Variants in CCDC178 observed in about 807,000 individuals in gnomAD.
CCDC178 encodes the protein coiled-coil domain containing 178, also known as coiled-coil domain-containing protein 178.
Under a neutral mutation model 117.4 loss-of-function variants are expected in CCDC178, and 126 were observed. The ratio of observed to expected loss-of-function variants is 1.07; its 90% confidence interval spans 0.93 to 1.24. The LOEUF is 1.24. Ranked by LOEUF, CCDC178 falls within the 50% of genes most tolerant of loss-of-function variation. The pLI is 0.00. For synonymous variants in CCDC178, 283 were observed against 313.4 expected (o/e 0.90, Z 1.02); for missense variants, 1,030 against 986.9 (o/e 1.04, Z -0.59).
intron 21 of CCDC178, among the ~76,000 whole-genome samples, chr18:33,074,766 T>G (rs1291167637): frequency 6.6e-6 from 1 of 152,172 alleles, no homozygotes; most frequent in African/African-American, 2.4e-5. Flanking sequence ...TTTGACATCA[T>G]GGAGGCAATT....
intron 20 of CCDC178, among the ~76,000 whole-genome samples, chr18:33,196,378 C>T (rs758426134): frequency 6.6e-6 from 1 of 152,154 alleles, no homozygotes; most frequent in Non-Finnish European, 1.5e-5. Flanking sequence ...TGAACGGAAG[C>T]TCCGTATTTA....
chr18:33,263,583 T>C (rs1201736408), intron 14 of CCDC178, among the ~76,000 whole-genome samples: 1 of 152,174 alleles, frequency 6.6e-6, no homozygotes. Flanking sequence ...TTAATAGCTA[T>C]ATTTCTATGA....
chr18:33,057,681 G>A (rs566083352), intron 21 of CCDC178, among the ~76,000 whole-genome samples: 1 of 151,950 alleles, frequency 6.6e-6, no homozygotes, highest in Non-Finnish European at 1.5e-5. Context: ...TTTTAGTAGA[G>A]AAAGGTTTCA....
chr18:33,284,481 C>G (rs1657683696), intron 12 of CCDC178, among the ~76,000 whole-genome samples: 1 of 151,890 alleles, frequency 6.6e-6, no homozygotes, highest in South Asian at 2.1e-4. Flanking sequence ...AAGAAACATG[C>G]CATCAATTAC....
At chr18:33,394,943 G>GTATGTATATATATATATATATATA (rs1555697671) in intron 4 of CCDC178, among the ~76,000 whole-genome samples, 2 of 61,498 alleles carry the variant, frequency 3.3e-5, no homozygotes, top group Non-Finnish European at 6.1e-5. Flanking sequence ...ATATGTATGT[G>GTATGTATATATATATATATATATA]TATATATATA....
intron 20 of CCDC178, among the ~76,000 whole-genome samples, chr18:33,123,372 G>A (rs996684296): frequency 6.6e-6 from 1 of 151,984 alleles, no homozygotes; most frequent in Non-Finnish European, 1.5e-5. Context: ...TGTAACACTC[G>A]GACCAGGGCA....
Position 33,126,986 on chromosome 18 carries a change from TA to T in CCDC178, c.2239-34077del, listed in dbSNP as rs1225815316. Among the ~76,000 whole-genome samples the T allele has an allele frequency of 5.4e-3, 734 of 136,096 alleles. 2 individuals are homozygous for T. Among genetic ancestry groups the T allele is most frequent in the African/African-American group, 0.011 (369 of 34,726 alleles). The allele number at this position is 136,096 out of a possible 152,430, so 89.3% of individuals were successfully genotyped here. A position where few individuals can be genotyped will look rare whatever the true frequency, so the allele number is the denominator to read the frequency against. ...ACTGTATTTTTTATCTGCATTTGGT[TA>T]AAAAAAAAAAATATATATATATATA... is the stretch of plus-strand genomic sequence containing the variant. On this transcript the variant is annotated intron_variant, in intron 20 of 22. Coordinates refer to ENST00000383096, the MANE Select transcript of CCDC178 (RefSeq NM_001105528.4).
chr18:33,241,043 C>T (rs1251291028), intron 15 of CCDC178, among the ~76,000 whole-genome samples: 1 of 151,858 alleles, frequency 6.6e-6, no homozygotes, highest in African/African-American at 2.4e-5. Flanking sequence ...TGGTTCAACA[C>T]ATGTAAATTA....
intron 7 of CCDC178, among the ~76,000 whole-genome samples, chr18:33,353,667 A>C (rs2063010547): frequency 1.3e-5 from 2 of 152,056 alleles, no homozygotes; most frequent in Non-Finnish European, 2.9e-5. Flanking sequence ...TTTATATATA[A>C]AGAACTCTGT....
intron 21 of CCDC178, among the ~76,000 whole-genome samples, chr18:33,058,131 C>T (rs1812002785): frequency 1.3e-5 from 2 of 152,084 alleles, no homozygotes; most frequent in South Asian, 4.1e-4. Context: ...TATGACCTGA[C>T]TCAGGAATTT....
At chr18:33,194,236 AAATATC>A in intron 20 of CCDC178, among the ~76,000 whole-genome samples, 1 of 152,080 alleles carries the variant, frequency 6.6e-6, no homozygotes, top group South Asian at 2.1e-4. Context: ...AATACTTTAT[AAATATC>A]TCAGATAATC....
intron 14 of CCDC178, among the ~76,000 whole-genome samples, chr18:33,246,105 TA>T (rs1435469926): frequency 6.6e-6 from 1 of 151,898 alleles, no homozygotes; most frequent in Non-Finnish European, 1.5e-5. Context: ...TTTGTGCTTC[TA>T]AAAATGGATT....
chr18:32,950,898 A>C (rs902736402), intron 22 of CCDC178, among the ~76,000 whole-genome samples: 4 of 152,214 alleles, frequency 2.6e-5, no homozygotes, highest in Non-Finnish European at 1.5e-5. Context: ...TTACAGCTGA[A>C]TACCTTCCCC....
At chr18:33,370,279 A>G (rs756023119) in intron 5 of CCDC178, 90 bp from the exon 6 acceptor site, 31 of 801,948 alleles carry the variant, frequency 3.9e-5, no homozygotes, top group Middle Eastern at 2.4e-4. Context: ...CTGCTTTATT[A>G]GTGCTAATAC....
At chr18:33,151,200 C>G (rs1479499726) in intron 20 of CCDC178, among the ~76,000 whole-genome samples, 1 of 152,038 alleles carries the variant, frequency 6.6e-6, no homozygotes, top group Non-Finnish European at 1.5e-5. Flanking sequence ...AAGAACTTAT[C>G]CATGTAACAA....
intron 6 of CCDC178, among the ~76,000 whole-genome samples, chr18:33,362,058 T>C (rs565970420): frequency 2.0e-5 from 3 of 151,824 alleles, no homozygotes; most frequent in Admixed American, 2.0e-4. Context: ...ACCTGAATGT[T>C]CATCGATGAA....
Position 33,408,017 on chromosome 18 carries a change from G to A in CCDC178, c.58+4014C>T, listed in dbSNP as rs2063804642. Among the ~76,000 whole-genome samples, 3 of 151,750 alleles carry A rather than the reference G, an allele frequency of 2.0e-5. No homozygotes were observed. In the South Asian group the frequency reaches 6.2e-4, roughly 32 times the overall value. On this transcript the variant is annotated intron_variant, in intron 3 of 22. Transcript: ENST00000383096. ...GCAAACATCCTAAACAAATGATTATGAAACAAAATCTACAAATATATTAAA... is the reference window on the plus strand; with the variant it reads ...GCAAACATCCTAAACAAATGATTATAAAACAAAATCTACAAATATATTAAA...
At chr18:33,429,073 G>A (rs540846157) in intron 2 of CCDC178, among the ~76,000 whole-genome samples, 40 of 150,464 alleles carry the variant, frequency 2.7e-4, no homozygotes, top group East Asian at 5.8e-4. Flanking sequence ...TCAGACTCTC[G>A]AGCATAACAC....
intron 20 of CCDC178, among the ~76,000 whole-genome samples, chr18:33,194,595 T>G (rs371065414): frequency 2.4e-4 from 36 of 152,310 alleles, no homozygotes; most frequent in African/African-American, 8.2e-4. Flanking sequence ...GCATTTGACC[T>G]GTTGAACTTT....
Sources: gnomAD v4.1 joint callset for allele counts (sites outside exome capture counted in the v4.1 genomes callset) on GRCh38, gnomAD v4.1.1 for gene constraint, MANE v1.5 for transcripts, NCBI Gene and HGNC (gene_info 2026-07-23, HGNC 2026-07-21) for gene names.